ARHGAP24: variants seen among roughly 807,000 people sequenced by gnomAD.
ARHGAP24 encodes Rho GTPase activating protein 24, also known as rho GTPase-activating protein 24.
ARHGAP24 carries 50 observed loss-of-function variants against 76.4 expected under a neutral mutation model. The ratio of observed to expected loss-of-function variants is 0.65; its 90% CI spans 0.52 to 0.83. ARHGAP24 has a LOEUF of 0.83. Among genes scored for constraint, ARHGAP24 ranks in the 40% least tolerant of loss-of-function variants. ARHGAP24 has a pLI of 0.00. For missense variants in ARHGAP24, 930 were observed against 914.2 expected, an observed-to-expected ratio of 1.02 and a Z score of -0.22; for synonymous variants, 345 against 323.3, an observed-to-expected ratio of 1.07 and a Z score of -0.72.
At chr4:85,773,228 A>G (rs1727193693) in intron 3 of ARHGAP24, among the ~76,000 whole-genome samples, 1 of 152,206 alleles carries the variant, frequency 6.6e-6, no homozygotes, top group African/African-American at 2.4e-5. Context: ...ACTTATACAT[A>G]GAAATGTCAT....
intron 6 of ARHGAP24, 24 bp downstream of exon 6, chr4:85,972,192 A>C (rs1013852943): frequency 1.2e-5 from 19 of 1,612,152 alleles, no homozygotes; most frequent in Non-Finnish European, 1.6e-5. Flanking sequence ...TTTATTTCCA[A>C]ATAAGCTTTT....
chr4:85,646,636 A>G (rs1225492357), intron 2 of ARHGAP24, among the ~76,000 whole-genome samples: 1 of 152,038 alleles, frequency 6.6e-6, no homozygotes, highest in Non-Finnish European at 1.5e-5. Flanking sequence ...CCAATTAACT[A>G]TATTTATTTA....
chr4:85,969,729 G>A (rs1738847415), intron 5 of ARHGAP24, among the ~76,000 whole-genome samples: 1 of 152,072 alleles, frequency 6.6e-6, no homozygotes, highest in Admixed American at 6.6e-5. Flanking sequence ...ATGAAATACG[G>A]TGGTTTGTCA....
intron 2 of ARHGAP24, among the ~76,000 whole-genome samples, chr4:85,705,453 C>A (rs1040317044): frequency 1.3e-5 from 2 of 152,156 alleles, no homozygotes; most frequent in Non-Finnish European, 1.5e-5. Flanking sequence ...TGGGAAGTGA[C>A]TACACACTCA....
intron 3 of ARHGAP24, among the ~76,000 whole-genome samples, chr4:85,914,652 A>C (rs346509): frequency 6.6e-6 from 1 of 151,982 alleles, no homozygotes; most frequent in African/African-American, 2.4e-5. Context: ...TTTAACTTTC[A>C]TGACCATTAG....
intron 9 of ARHGAP24, 97 bp downstream of exon 9, chr4:85,995,754 A>G (rs1740626382): frequency 8.2e-7 from 1 of 1,218,108 alleles, no homozygotes; most frequent in Admixed American, 2.0e-5. Context: ...CTGGCTCCAA[A>G]GTCAAAGAAA....
intron 8 of ARHGAP24, among the ~76,000 whole-genome samples, chr4:85,981,443 A>G (rs1205371365): frequency 6.6e-6 from 1 of 152,210 alleles, no homozygotes; most frequent in African/African-American, 2.4e-5. Flanking sequence ...TTGATACTAT[A>G]GAAATACGTG....
At chr4:85,722,778 A>G (rs1314120727) in intron 3 of ARHGAP24, among the ~76,000 whole-genome samples, 1 of 152,212 alleles carries the variant, frequency 6.6e-6, no homozygotes, top group Non-Finnish European at 1.5e-5. Flanking sequence ...TAATATTGAT[A>G]TTGATTTGAT....
intron 2 of ARHGAP24, among the ~76,000 whole-genome samples, chr4:85,592,587 C>A (rs1286996571): frequency 1.3e-5 from 2 of 152,090 alleles, no homozygotes; most frequent in African/African-American, 2.4e-5. Context: ...TTCATTCTAT[C>A]TGACTATATT....
chr4:85,772,220 T>C (rs1391130891), intron 3 of ARHGAP24, among the ~76,000 whole-genome samples: 1 of 152,172 alleles, frequency 6.6e-6, no homozygotes, highest in Non-Finnish European at 1.5e-5. Flanking sequence ...TAATTCCCAC[T>C]TCATAGGTAG....
intron 2 of ARHGAP24, among the ~76,000 whole-genome samples, chr4:85,608,214 CAG>C (rs1366874141): frequency 6.6e-6 from 1 of 152,124 alleles, no homozygotes; most frequent in South Asian, 2.1e-4. Flanking sequence ...AAGAATAAAA[CAG>C]GGAGAGGAGA....
intron 3 of ARHGAP24, among the ~76,000 whole-genome samples, chr4:85,825,584 A>G (rs1192727435): frequency 6.6e-6 from 1 of 152,244 alleles, no homozygotes; most frequent in Non-Finnish European, 1.5e-5. Context: ...ATAGTCTACT[A>G]TACAGAAAGA....
intron 2 of ARHGAP24, among the ~76,000 whole-genome samples, chr4:85,597,285 G>A (rs956506023): frequency 2.0e-5 from 3 of 152,072 alleles, no homozygotes; most frequent in Non-Finnish European, 4.4e-5. Flanking sequence ...TTTATAGGGA[G>A]TTAATCAAAT....
chr4:85,706,476 T>A (rs1308699552), intron 2 of ARHGAP24, among the ~76,000 whole-genome samples: 1 of 152,188 alleles, frequency 6.6e-6, no homozygotes, highest in East Asian at 1.9e-4. Context: ...ATTAATATAC[T>A]TTAAAAATCT....
At chr4:85,751,971 A>G (rs1370131715) in intron 3 of ARHGAP24, among the ~76,000 whole-genome samples, 10 of 152,338 alleles carry the variant, frequency 6.6e-5, no homozygotes, top group Non-Finnish European at 1.5e-5. Context: ...AGCTTGAATA[A>G]ATCAAACTTC....
intron 3 of ARHGAP24, among the ~76,000 whole-genome samples, chr4:85,805,960 A>G (rs1050970176): frequency 6.6e-6 from 1 of 152,194 alleles, no homozygotes; most frequent in Admixed American, 6.5e-5. Flanking sequence ...CTAGACTCTC[A>G]GGAGGCATGC....
At chr4:85,713,373 A>G (rs560626447) in intron 2 of ARHGAP24, among the ~76,000 whole-genome samples, 14 of 152,288 alleles carry the variant, frequency 9.2e-5, no homozygotes, top group Non-Finnish European at 1.9e-4. Context: ...AGTAATATGT[A>G]CTCATTATTT....
chr4:85,617,055 T>C (rs1359429647), intron 2 of ARHGAP24, among the ~76,000 whole-genome samples: 2 of 148,200 alleles, frequency 1.3e-5, no homozygotes, highest in African/African-American at 4.9e-5. Flanking sequence ...ATTTAACATA[T>C]ATTCATAATA....
chr4:85,786,136 C>A (rs1334259514), intron 3 of ARHGAP24, among the ~76,000 whole-genome samples: 2 of 152,080 alleles, frequency 1.3e-5, no homozygotes, highest in African/African-American at 4.8e-5. Context: ...TCGTAATTAA[C>A]CCCCACATAT....
Sources: gnomAD v4.1 joint callset for allele counts (sites outside exome capture counted in the v4.1 genomes callset) on GRCh38, gnomAD v4.1.1 for gene constraint, MANE v1.5 for transcripts, NCBI Gene and HGNC (gene_info 2026-07-23, HGNC 2026-07-21) for gene names.